THADA: variants seen among roughly 807,000 people sequenced by gnomAD.
THADA encodes THADA armadillo repeat containing.
A neutral mutation model predicts 219.8 loss-of-function variants in THADA; 213 were observed. That is an observed-to-expected ratio of 0.97 (90% CI 0.87 to 1.09). THADA has a LOEUF of 1.09. Among genes scored for constraint, THADA ranks in the 50% least tolerant of loss-of-function variants. The probability of loss-of-function intolerance (pLI) is 0.00; values close to 1 mark genes in which losing one functional copy is unlikely to be tolerated. For synonymous variants in THADA, 1,018 were observed against 828.9 expected (o/e 1.23, Z -3.92); for missense variants, 2,956 against 2,311.3 (o/e 1.28, Z -5.72).
At chr2:43,302,853 G>A (rs1396095581) in intron 31 of THADA, among the ~76,000 whole-genome samples, 2 of 152,032 alleles carry the variant, frequency 1.3e-5, no homozygotes, top group Non-Finnish European at 2.9e-5. Context: ...GGAGTTTGAA[G>A]CTACAGTGTG....
rs761803232 is a variant in THADA at position 43,277,951 on chromosome 2, CT to C, written c.5296+1813del. ...GATGGTAAAACAAGACAATATTGTT[CT>C]TTTTTTTTTTTTTTTTGAGATGAAG... On this transcript the variant is annotated intron_variant, in intron 36 of 37. Transcript: ENST00000405975. Among the ~76,000 whole-genome samples, 1,194 of 134,396 alleles carry C rather than the reference CT, an allele frequency of 8.9e-3. 8 individuals carry two copies. Among genetic ancestry groups the C allele is most frequent in the African/African-American group, 0.022 (793 of 35,750 alleles). 88.2% of individuals were successfully genotyped at this position (134,396 alleles called of 152,430 possible).
chr2:43,453,177 C>T (rs927711688), intron 26 of THADA, among the ~76,000 whole-genome samples: 1 of 152,136 alleles, frequency 6.6e-6, no homozygotes, highest in Non-Finnish European at 1.5e-5. Flanking sequence ...GTCTGGTATA[C>T]ACATATTTTC....
chr2:43,496,872 T>C (rs1294983833), intron 25 of THADA, among the ~76,000 whole-genome samples: 2 of 152,170 alleles, frequency 1.3e-5, no homozygotes, highest in Non-Finnish European at 2.9e-5. Context: ...TTATTCATAA[T>C]AGCCAAAAAG....
At chr2:43,560,776 G>A (rs1697964732) in intron 15 of THADA, among the ~76,000 whole-genome samples, 1 of 152,088 alleles carries the variant, frequency 6.6e-6, no homozygotes, top group Non-Finnish European at 1.5e-5. Flanking sequence ...CAGCACTTTG[G>A]GAGGCTGAGG....
At chr2:43,399,328 G>C (rs1268702786) in intron 28 of THADA, among the ~76,000 whole-genome samples, 1 of 152,190 alleles carries the variant, frequency 6.6e-6, no homozygotes, top group African/African-American at 2.4e-5. Context: ...TGTTTACAAA[G>C]GAATTACTTG....
chr2:43,453,090 CA>C (rs1317901455), intron 26 of THADA, among the ~76,000 whole-genome samples: 1 of 152,064 alleles, frequency 6.6e-6, no homozygotes, highest in Admixed American at 6.6e-5. Context: ...AACAAACAAA[CA>C]AAAAACCCAA....
intron 29 of THADA, among the ~76,000 whole-genome samples, chr2:43,394,391 T>C (rs1673777846): frequency 6.6e-6 from 1 of 152,236 alleles, no homozygotes; most frequent in Non-Finnish European, 1.5e-5. Flanking sequence ...TATATTTATG[T>C]AAACATTTTC....
At chr2:43,341,932 G>C (rs1396130741) in intron 30 of THADA, among the ~76,000 whole-genome samples, 2 of 152,136 alleles carry the variant, frequency 1.3e-5, no homozygotes, top group Admixed American at 1.3e-4. Flanking sequence ...AAACAAGTTG[G>C]GTGCAGTGGC....
At chr2:43,323,760 C>T (rs539619336) in intron 30 of THADA, among the ~76,000 whole-genome samples, 1 of 152,294 alleles carries the variant, frequency 6.6e-6, no homozygotes, top group South Asian at 2.1e-4. Flanking sequence ...CCCACCAACC[C>T]ACCAGGGTGG....
Position 43,403,794 on chromosome 2 carries a change from A to G in THADA, c.4059-5655T>C, listed in dbSNP as rs1675174303. On this transcript the variant is annotated intron_variant, in intron 28 of 37. Coordinates refer to ENST00000405975, the MANE Select transcript of THADA (RefSeq NM_022065.5). ...GCATCTTCAGAGCTGGTATGAGTTC[A>G]AAAAAGCTATGTCTGACCCTGACCC... Among the ~76,000 whole-genome samples, 3 of 152,124 alleles carry G rather than the reference A, an allele frequency of 2.0e-5. No individual in the cohort carries two copies. In the South Asian group the frequency reaches 6.2e-4, roughly 32 times the overall value.
chr2:43,425,642 G>A (rs1573581928), intron 28 of THADA, among the ~76,000 whole-genome samples: 1 of 152,292 alleles, frequency 6.6e-6, no homozygotes, highest in East Asian at 1.9e-4. Flanking sequence ...TGATAGCCAA[G>A]TGATATGTTT....
At chr2:43,369,695 C>T (rs58231204) in intron 29 of THADA, among the ~76,000 whole-genome samples, 2,843 of 152,258 alleles carry the variant, frequency 0.019, 38 homozygotes, top group African/African-American at 0.047. Flanking sequence ...CTCATCAGTG[C>T]CCCAAGTTAC....
rs1184602109 is a variant in THADA at position 43,581,564 on chromosome 2, G to GA, written c.721+176dup. On this transcript the variant is annotated intron_variant, in intron 8 of 37. Coordinates refer to ENST00000405975, the MANE Select transcript of THADA (RefSeq NM_022065.5). ...GTCTCAAAAAAAAAAAAAAAGAAAA[G>GA]AAAAAAAAAAAAAACCATGTAGTCC... Among the ~76,000 whole-genome samples, 651 of 117,586 alleles carry GA rather than the reference G, an allele frequency of 5.5e-3. 5 individuals carry two copies. The highest frequency in any genetic ancestry group is 6.8e-3 in the Non-Finnish European group (377 of 55,158). 77.1% of individuals were successfully genotyped at this position (117,586 alleles called of 152,430 possible).
chr2:43,523,021 A>T (rs1692688117), intron 22 of THADA, among the ~76,000 whole-genome samples: 7 of 152,076 alleles, frequency 4.6e-5, no homozygotes, highest in Admixed American at 4.6e-4. Flanking sequence ...TTAATAGGAC[A>T]CTCAGTGAGA....
At chr2:43,387,329 T>C (rs970985247) in intron 29 of THADA, among the ~76,000 whole-genome samples, 12 of 152,216 alleles carry the variant, frequency 7.9e-5, no homozygotes, top group African/African-American at 2.9e-4. Flanking sequence ...AACAAGGACA[T>C]GAAGCAAGCT....
At chr2:43,572,400 C>G (rs1293061280) in intron 12 of THADA, among the ~76,000 whole-genome samples, 2 of 152,224 alleles carry the variant, frequency 1.3e-5, no homozygotes, top group Non-Finnish European at 2.9e-5. Flanking sequence ...TAATCATCCT[C>G]CAGACCTTGC....
At chr2:43,500,438 G>A (rs1164769220) in intron 24 of THADA, among the ~76,000 whole-genome samples, 2 of 152,100 alleles carry the variant, frequency 1.3e-5, no homozygotes, top group African/African-American at 4.8e-5. Flanking sequence ...AAAAAGACAG[G>A]ACAGGCACAG....
At chr2:43,354,804 C>T (rs186926213) in intron 29 of THADA, among the ~76,000 whole-genome samples, 4 of 152,202 alleles carry the variant, frequency 2.6e-5, no homozygotes, top group Admixed American at 2.0e-4. Context: ...TTCCCATAAA[C>T]CCATGTATTG....
Position 43,566,706 on chromosome 2 carries a change from A to G in THADA, c.2303T>C (p.Val768Ala). ...ILGSIAEVFHVPEGRIYTVYQ... is the reference protein window; with the variant it reads ...ILGSIAEVFHAPEGRIYTVYQ... ...CATTATTAAACACTTACCTTCTGGG[A>G]CATGAAAAACTTCAGCTATTGAACC... The change falls in exon 15 of 38, where the codon GTC (valine) becomes GCC (alanine). Residue 768 changes from valine (V) to alanine (A), a missense_variant. Transcript: ENST00000405975. 1 of 1,606,386 alleles carries G rather than the reference A, an allele frequency of 6.2e-7. No individual in the cohort carries two copies. Among genetic ancestry groups the G allele is most frequent in the Non-Finnish European group, 8.5e-7 (1 of 1,177,776 alleles).
Sources: gnomAD v4.1 joint callset for allele counts (sites outside exome capture counted in the v4.1 genomes callset) on GRCh38, gnomAD v4.1.1 for gene constraint, MANE v1.5 for transcripts, NCBI Gene and HGNC (gene_info 2026-07-23, HGNC 2026-07-21) for gene names.